Variants in SLC24A2 observed in about 807,000 individuals in gnomAD.
The protein encoded by SLC24A2 is sodium/potassium/calcium exchanger 2.
SLC24A2 carries 36 observed loss-of-function variants against 62.0 expected under a neutral mutation model. That is an observed-to-expected ratio of 0.58 (90% CI 0.44 to 0.77). The LOEUF is 0.77. Among genes scored for constraint, SLC24A2 ranks in the 30% least tolerant of loss-of-function variants. SLC24A2 has a pLI of 0.00. For synonymous variants in SLC24A2, 358 were observed against 294.0 expected, an observed-to-expected ratio of 1.22 and a Z score of -2.23; for missense variants, 846 against 817.9, an observed-to-expected ratio of 1.03 and a Z score of -0.42.
At position 19,636,286 on chromosome 9, in the gene SLC24A2, C is replaced by CTTCTCTTCTTTTCTTTTCTT. The variant is rs1564009444; in HGVS notation, c.931-13988_931-13987insAAGAAAAGAAAAGAAGAGAA. Among the ~76,000 whole-genome samples, 20 of 88,122 alleles carry CTTCTCTTCTTTTCTTTTCTT rather than the reference C, an allele frequency of 2.3e-4. 1 individual carries two copies. The highest frequency in any genetic ancestry group is 8.8e-4 in the African/African-American group (18 of 20,348). The allele number at this position is 88,122 out of a possible 152,430, so 57.8% of individuals were successfully genotyped here. A position where few individuals can be genotyped will look rare whatever the true frequency, so the allele number is the denominator to read the frequency against. On this transcript the variant is annotated intron_variant, in intron 2 of 10. Coordinates refer to ENST00000341998, the MANE Select transcript of SLC24A2 (RefSeq NM_020344.4). ...TTTTCTTCTCTTCTTCTCTTCTTCT[C>CTTCTCTTCTTTTCTTTTCTT]TTCTTTTCTTTTCTTTTCTTTTCTT...
At chr9:19,970,215 A>C in the SLC24A2 span, among the ~76,000 whole-genome samples, 1 of 152,198 alleles carries the variant, frequency 6.6e-6, no homozygotes, top group Non-Finnish European at 1.5e-5. Flanking sequence ...TTCCCCTGAA[A>C]GTGGAAGGGA....
the SLC24A2 span, among the ~76,000 whole-genome samples, chr9:20,191,572 T>C: frequency 6.6e-6 from 1 of 151,686 alleles, no homozygotes; most frequent in East Asian, 1.9e-4. Context: ...GTAATTACAT[T>C]CTCTGGCATA....
intron 2 of SLC24A2, among the ~76,000 whole-genome samples, chr9:19,733,082 CT>C (rs11317752): frequency 0.63 from 92,384 of 146,832 alleles, 29,436 homozygotes; most frequent in East Asian, 0.9. Context: ...AGATGTGACT[CT>C]TTTTTTTTTT....
chr9:19,650,822 AGTGTGT>A (rs61576823), intron 2 of SLC24A2, among the ~76,000 whole-genome samples: 15 of 149,184 alleles, frequency 1.0e-4, no homozygotes, highest in South Asian at 2.1e-4. Context: ...ATCAGCTTCT[AGTGTGT>A]GTGTGTGTGT....
intron 2 of SLC24A2, among the ~76,000 whole-genome samples, chr9:19,750,672 C>G (rs1420321395): frequency 2.0e-5 from 3 of 152,084 alleles, no homozygotes; most frequent in Non-Finnish European, 4.4e-5. Flanking sequence ...TTCTAAAGTA[C>G]CTCAGCAGCT....
At chr9:19,734,596 C>T (rs78630898) in intron 2 of SLC24A2, among the ~76,000 whole-genome samples, 2 of 152,116 alleles carry the variant, frequency 1.3e-5, no homozygotes, top group African/African-American at 2.4e-5. Flanking sequence ...TGAAGAGGTC[C>T]TTCACATCCC....
the SLC24A2 span, among the ~76,000 whole-genome samples, chr9:20,039,294 T>A: frequency 6.6e-6 from 1 of 151,986 alleles, no homozygotes; most frequent in Non-Finnish European, 1.5e-5. Context: ...GGGCCTGTCC[T>A]GGTGTACTGC....
chr9:20,048,291 A>G, the SLC24A2 span, among the ~76,000 whole-genome samples: 1 of 152,204 alleles, frequency 6.6e-6, no homozygotes, highest in Admixed American at 6.5e-5. Context: ...CTCCTAGTTT[A>G]TCTCTTTTCA....
chr9:19,956,624 T>G, the SLC24A2 span, among the ~76,000 whole-genome samples: 1 of 152,118 alleles, frequency 6.6e-6, no homozygotes, highest in Admixed American at 6.5e-5. Flanking sequence ...AGAGAGAGCT[T>G]GTGAAGGGAA....
the SLC24A2 span, among the ~76,000 whole-genome samples, chr9:19,824,814 T>C: frequency 6.6e-5 from 10 of 152,182 alleles, no homozygotes; most frequent in Admixed American, 2.0e-4. Context: ...ATGTGGCACA[T>C]ATACACCATA....
chr9:19,970,097 C>G, the SLC24A2 span, among the ~76,000 whole-genome samples: 1 of 152,176 alleles, frequency 6.6e-6, no homozygotes, highest in Non-Finnish European at 1.5e-5. Flanking sequence ...AAGCTGCAGT[C>G]TGGACAAGGC....
chr9:19,949,266 T>G, the SLC24A2 span, among the ~76,000 whole-genome samples: 2 of 152,164 alleles, frequency 1.3e-5, no homozygotes, highest in African/African-American at 4.8e-5. Flanking sequence ...AGTGCTGGGA[T>G]TACAGGCATG....
the SLC24A2 span, among the ~76,000 whole-genome samples, chr9:20,200,028 G>A: frequency 1.3e-5 from 2 of 151,652 alleles, no homozygotes; most frequent in African/African-American, 4.8e-5. Flanking sequence ...ACCGCGACCA[G>A]CTGATATCTG....
At chr9:19,853,162 A>G in the SLC24A2 span, among the ~76,000 whole-genome samples, 1 of 151,738 alleles carries the variant, frequency 6.6e-6, no homozygotes, top group Admixed American at 6.6e-5. Flanking sequence ...TTGGTTTTAT[A>G]TCTGAGAACT....
intron 2 of SLC24A2, among the ~76,000 whole-genome samples, chr9:19,647,065 C>CGT (rs1319555717): frequency 1.1e-4 from 3 of 26,888 alleles, no homozygotes; most frequent in Non-Finnish European, 1.9e-4. Context: ...CACACACACG[C>CGT]GCGCACACAC....
chr9:19,811,037 T>C, the SLC24A2 span, among the ~76,000 whole-genome samples: 1 of 152,210 alleles, frequency 6.6e-6, no homozygotes, highest in South Asian at 2.1e-4. Flanking sequence ...AGTTACGGAC[T>C]GAATGCTCAT....
chr9:19,659,691 C>G (rs1819041312), intron 2 of SLC24A2, among the ~76,000 whole-genome samples: 2 of 152,156 alleles, frequency 1.3e-5, no homozygotes. Context: ...ACACTGATGA[C>G]ATGCCTGATT....
At chr9:19,535,836 G>C (rs536376255) in intron 8 of SLC24A2, among the ~76,000 whole-genome samples, 1 of 152,090 alleles carries the variant, frequency 6.6e-6, no homozygotes, top group East Asian at 1.9e-4. Context: ...GCTCTTTTTT[G>C]GTTCCATATG....
the SLC24A2 span, among the ~76,000 whole-genome samples, chr9:19,802,843 T>A: frequency 6.6e-6 from 1 of 152,324 alleles, no homozygotes; most frequent in Admixed American, 6.5e-5. Context: ...TATATTGAAA[T>A]GTAATTCCCA....
Sources: allele counts gnomAD v4.1 joint callset (sites outside exome capture counted in the v4.1 genomes callset), GRCh38; gene constraint gnomAD v4.1.1; transcripts MANE v1.5; gene names NCBI Gene and HGNC (gene_info 2026-07-23, HGNC 2026-07-21).